The following MYO3B variants were observed in gnomAD, a reference collection of about 807,000 sequenced individuals.
The protein encoded by MYO3B is myosin IIIB.
MYO3B carries 156 observed loss-of-function variants against 174.6 expected under a neutral mutation model. That is an observed-to-expected ratio of 0.89 (90% CI 0.78 to 1.02). The LOEUF is 1.02. Among genes scored for constraint, MYO3B ranks in the 50% least tolerant of loss-of-function variants. The pLI is 0.00. For missense variants in MYO3B, 1,632 were observed against 1,639.4 expected, an observed-to-expected ratio of 1.00 and a Z score of 0.08; for synonymous variants, 563 against 569.1, an observed-to-expected ratio of 0.99 and a Z score of 0.15.
chr2:170,374,922 A>G (rs1284411391), intron 9 of MYO3B, among the ~76,000 whole-genome samples: 2 of 152,108 alleles, frequency 1.3e-5, no homozygotes, highest in African/African-American at 4.8e-5. Flanking sequence ...ATTGGAATTT[A>G]AGTTTTTCCA....
intron 32 of MYO3B, among the ~76,000 whole-genome samples, chr2:170,562,498 TAAC>T (rs1463564035): frequency 6.6e-6 from 1 of 152,086 alleles, no homozygotes; most frequent in Non-Finnish European, 1.5e-5. Context: ...AAAATAACAA[TAAC>T]AACCAAAGCT....
rs111697616 is a variant in MYO3B, at chr2:170,554,995, T to G, written c.3733+11007T>G. On this transcript the variant is annotated intron_variant, in intron 32 of 34. Coordinates refer to ENST00000408978, the MANE Select transcript of MYO3B (RefSeq NM_138995.5). ...TCATTTTAAAGGATTCTTTCAACTT[T>G]AAAATCAAACATACAATTGTTTAAT... 9.4e-3 allele frequency among the ~76,000 whole-genome samples: 1,439 copies of G among 152,374 alleles called. 16 individuals carry two copies. The highest frequency in any genetic ancestry group is 0.013 in the Non-Finnish European group (864 of 68,030).
At chr2:170,395,727 A>G (rs2094439199) in intron 16 of MYO3B, among the ~76,000 whole-genome samples, 2 of 152,160 alleles carry the variant, frequency 1.3e-5, no homozygotes, top group African/African-American at 4.8e-5. Flanking sequence ...TGCTTAGGGA[A>G]GAACTGATGA....
chr2:170,489,988 T>A (rs1341316543), intron 25 of MYO3B, among the ~76,000 whole-genome samples: 1 of 152,018 alleles, frequency 6.6e-6, no homozygotes, highest in Non-Finnish European at 1.5e-5. Flanking sequence ...TACATTAAAA[T>A]GCTATTACAA....
chr2:170,637,085 T>G (rs1448176443), intron 32 of MYO3B, among the ~76,000 whole-genome samples: 6 of 151,940 alleles, frequency 3.9e-5, no homozygotes, highest in Non-Finnish European at 8.8e-5. Context: ...AACCATTTAC[T>G]TTTTGGTTAA....
intron 6 of MYO3B, among the ~76,000 whole-genome samples, chr2:170,225,479 G>T (rs748311180): frequency 6.6e-6 from 1 of 152,184 alleles, no homozygotes; most frequent in Non-Finnish European, 1.5e-5. Flanking sequence ...GAAGGAAAAT[G>T]TAATATTTCA....
At chr2:170,583,854 A>G (rs1160889896) in intron 32 of MYO3B, among the ~76,000 whole-genome samples, 3 of 152,244 alleles carry the variant, frequency 2.0e-5, no homozygotes, top group Admixed American at 6.5e-5. Context: ...CGGTAAGGAA[A>G]AAATCTTTTC....
chr2:170,377,758 A>G (rs2094305538), intron 9 of MYO3B, among the ~76,000 whole-genome samples: 1 of 152,248 alleles, frequency 6.6e-6, no homozygotes, highest in African/African-American at 2.4e-5. Context: ...TAAGAAAAGC[A>G]ATATAAACTT....
chr2:170,540,203 A>G (rs1689992997), intron 30 of MYO3B, among the ~76,000 whole-genome samples: 1 of 152,102 alleles, frequency 6.6e-6, no homozygotes, highest in African/African-American at 2.4e-5. Context: ...ACATGCCTGT[A>G]GTCCCACCTA....
At chr2:170,309,445 T>C (rs577502257) in intron 7 of MYO3B, among the ~76,000 whole-genome samples, 8 of 152,346 alleles carry the variant, frequency 5.3e-5, no homozygotes, top group African/African-American at 1.7e-4. Flanking sequence ...TAACCTCTTA[T>C]TAACTCTAAC....
intron 7 of MYO3B, among the ~76,000 whole-genome samples, chr2:170,250,958 G>A (rs1399111558): frequency 2.0e-5 from 3 of 151,738 alleles, no homozygotes; most frequent in African/African-American, 4.8e-5. Context: ...TGGGGTTTGA[G>A]GTTTATATGG....
intron 7 of MYO3B, among the ~76,000 whole-genome samples, chr2:170,296,218 C>T (rs375492837): frequency 5.3e-5 from 8 of 152,130 alleles, no homozygotes; most frequent in Admixed American, 6.6e-5. Context: ...ATGGATCATG[C>T]GCTGAGAGAG....
chr2:170,411,490 A>G (rs1312741232), intron 22 of MYO3B, among the ~76,000 whole-genome samples: 1 of 152,204 alleles, frequency 6.6e-6, no homozygotes, highest in Non-Finnish European at 1.5e-5. Context: ...CTAAACATAG[A>G]AAAGGTACAG....
At chr2:170,617,679 G>A (rs984217684) in intron 32 of MYO3B, among the ~76,000 whole-genome samples, 1 of 152,082 alleles carries the variant, frequency 6.6e-6, no homozygotes, top group Non-Finnish European at 1.5e-5. Flanking sequence ...TTCCACTTAA[G>A]AGGAAAAAAG....
chr2:170,380,442 T>A (rs546915360), intron 9 of MYO3B, among the ~76,000 whole-genome samples: 1 of 152,264 alleles, frequency 6.6e-6, no homozygotes, highest in South Asian at 2.1e-4. Context: ...TATTTATAGA[T>A]GAAGAAAACC....
chr2:170,262,321 C>T (rs1014504323), intron 7 of MYO3B, among the ~76,000 whole-genome samples: 1 of 152,144 alleles, frequency 6.6e-6, no homozygotes, highest in Non-Finnish European at 1.5e-5. Context: ...TAGATGGTTA[C>T]CTTGAGAACA....
At chr2:170,256,061 T>C (rs1023377703) in intron 7 of MYO3B, among the ~76,000 whole-genome samples, 12 of 152,314 alleles carry the variant, frequency 7.9e-5, no homozygotes, top group African/African-American at 2.9e-4. Context: ...ACTAGCCGTT[T>C]GAATCAACCC....
intron 22 of MYO3B, among the ~76,000 whole-genome samples, chr2:170,418,978 GGATCCTTTGTGAGCCTACA>G (rs2094598486): frequency 6.6e-6 from 1 of 152,178 alleles, no homozygotes; most frequent in Non-Finnish European, 1.5e-5. Context: ...AAAAATGGAG[GGATCCTTTGTGAGCCTACA>G]GCCCCACCAT....
intron 14 of MYO3B, among the ~76,000 whole-genome samples, chr2:170,389,296 C>T (rs1345563012): frequency 6.6e-6 from 1 of 152,138 alleles, no homozygotes; most frequent in Admixed American, 6.5e-5. Flanking sequence ...TGGGTGTGGT[C>T]ATATAACTGG....
Sources: gnomAD v4.1 joint callset for allele counts (sites outside exome capture counted in the v4.1 genomes callset) on GRCh38, gnomAD v4.1.1 for gene constraint, MANE v1.5 for transcripts, NCBI Gene and HGNC (gene_info 2026-07-23, HGNC 2026-07-21) for gene names.